CLDN23: variants seen among roughly 807,000 people sequenced by gnomAD.
The protein encoded by CLDN23 is claudin 23.
CLDN23 carries 3 observed loss-of-function variants against 1.4 expected under a neutral mutation model. That is an observed-to-expected ratio of 2.10 (90% confidence interval 0.96 to 5.43). CLDN23 has a LOEUF of 5.43. CLDN23 is among the 30% of genes most tolerant of loss of function. The probability of loss-of-function intolerance (pLI) is 0.02; values close to 1 mark genes in which losing one functional copy is unlikely to be tolerated. For missense variants in CLDN23, 597 were observed against 433.5 expected (o/e 1.38, Z -3.35); for synonymous variants, 291 against 209.9 (o/e 1.39, Z -3.34).
chr8:8,702,445 G>C lies in CLDN23; in HGVS notation c.47G>C (p.Cys16Ser). The C allele has an allele frequency of 1.3e-6, 2 of 1,587,084 alleles. No homozygotes were observed. Among genetic ancestry groups the C allele is most frequent in the Non-Finnish European group, 1.7e-6 (2 of 1,168,252 alleles). Residue 16 changes from cysteine to serine, a missense_variant, in exon 1 of 1, where the codon TGC becomes TCC. Transcript: ENST00000519106. The part of the protein sequence containing the change: ...VMTLGMVLAP[C>S]GLLLNLTGTL... ...ACGCTGGGCATGGTGTTGGCGCCCT[G>C]CGGGCTCCTGCTCAACCTGACCGGC...
At position 8,702,390 on chromosome 8, in the gene CLDN23, C is replaced by G; in HGVS notation, c.-9C>G. 1.4e-6 allele frequency: 2 copies of G among 1,473,956 alleles called. No homozygotes were observed. The highest frequency in any genetic ancestry group is 1.8e-6 in the Non-Finnish European group (2 of 1,116,338). 91.3% of individuals were successfully genotyped at this position (1,473,956 alleles called of 1,614,324 possible). ...GGCTGCAGGGGCGCCGTCGGCGCGG[C>G]GGGCCGGGATGCGGACGCCGGTGGT... On this transcript the variant is annotated 5_prime_UTR_variant, in exon 1 of 1. Coordinates refer to ENST00000519106, the MANE Select transcript of CLDN23 (RefSeq NM_194284.3).
rs994403990 is a variant in CLDN23, at chr8:8,703,184, C to T, written c.786C>T (p.Asp262=). The T allele has an allele frequency of 8.0e-6, 12 of 1,502,076 alleles. No homozygotes were observed. In the Admixed American group the frequency reaches 1.5e-4, roughly 19 times the overall value. 93.0% of individuals were successfully genotyped at this position (1,502,076 alleles called of 1,614,324 possible). Residue 262 remains aspartate (D), a synonymous_variant, in exon 1 of 1, where the codon GAC becomes GAT. Transcript: ENST00000519106. ...PRPKAYTNSV[D]VLDGEGWESQ... ...CCAAGGCCTACACCAACTCGGTGGACGTCCTCGACGGGGAGGGGTGGGAGT... is the reference window on the plus strand; with the variant it reads ...CCAAGGCCTACACCAACTCGGTGGATGTCCTCGACGGGGAGGGGTGGGAGT...
rs1802743761 is a variant in CLDN23 at position 8,702,278 on chromosome 8, C to T, written c.-121C>T. 1 of 1,096,436 alleles carries T rather than the reference C, an allele frequency of 9.1e-7. No individual in the cohort carries two copies. Among genetic ancestry groups the T allele is most frequent in the East Asian group, 2.8e-5 (1 of 35,762 alleles). The allele number at this position is 1,096,436 out of a possible 1,614,324, so 67.9% of individuals were successfully genotyped here. On this transcript the variant is annotated 5_prime_UTR_variant, in exon 1 of 1. Transcript: ENST00000519106. ...CAGGAGCCCGACCCGGAGCCCGGGG[C>T]GTCCGCGCTGACTTCGGGTCCCCGG...
In CLDN23 at chr8:8,703,034, G is replaced by T. The variant is rs770597744; in HGVS notation, c.636G>T (p.Trp212Cys). 1.8e-5 allele frequency: 28 copies of T among 1,535,806 alleles called. No individual in the cohort carries two copies. The East Asian group carries it at 6.2e-4, about 34-fold the overall frequency. Residue 212 changes from tryptophan (W) to cysteine (C), a missense_variant, in exon 1 of 1, where the codon TGG becomes TGT. Physicochemically the swap from Trp to Cys is radical, Grantham distance 215. Coordinates refer to ENST00000519106, the MANE Select transcript of CLDN23 (RefSeq NM_194284.3). ...RSSVSTIQVEWPEPDLAPAIK... is the reference protein window; with the variant it reads ...RSSVSTIQVECPEPDLAPAIK... Reference sequence around the variant, plus strand: ...GCGTCAGCACCATCCAAGTGGAGTGGCCCGAGCCCGACCTGGCGCCCGCCA... The same window carrying T: ...GCGTCAGCACCATCCAAGTGGAGTGTCCCGAGCCCGACCTGGCGCCCGCCA...
In CLDN23 at chr8:8,702,482, C is replaced by A; in HGVS notation, c.84C>A (p.Pro28=). ...TCAACCTGACCGGCACCCTGGCGCC[C>A]GGCTGGCGGCTGGTGAAGGGCTTCC... ...LLLNLTGTLA[P]GWRLVKGFLN... Residue 28 remains proline (P), a synonymous_variant, in exon 1 of 1, where the codon CCC becomes CCA. Transcript: ENST00000519106. 1 of 1,606,958 alleles carries A rather than the reference C, an allele frequency of 6.2e-7. No individual in the cohort carries two copies. The highest frequency in any genetic ancestry group is 8.5e-7 in the Non-Finnish European group (1 of 1,177,934).
rs1428176991 is a variant in CLDN23 at position 8,702,330 on chromosome 8, G to T, written c.-69G>T. The T allele has an allele frequency of 2.1e-6, 3 of 1,446,492 alleles. No individual in the cohort carries two copies. Among genetic ancestry groups the T allele is most frequent in the Non-Finnish European group, 2.7e-6 (3 of 1,103,624 alleles). The allele number at this position is 1,446,492 out of a possible 1,614,324, so 89.6% of individuals were successfully genotyped here. ...GCCTGGGGCACGGCAGGGAGAAGAC[G>T]ACGGCGGAGAAGGCGACAGCGGAGA... On this transcript the variant is annotated 5_prime_UTR_variant, in exon 1 of 1. Transcript: ENST00000519106.
At position 8,702,952 on chromosome 8, in the gene CLDN23, G is replaced by A; in HGVS notation, c.554G>A (p.Cys185Tyr). ...FSLALSFAPW[C>Y]DERCRRRRKG... ...CTGGCGCTCAGCTTCGCGCCCTGGTGCGACGAGCGTTGTCGCCGCCGCCGC... is the reference window on the plus strand; with the variant it reads ...CTGGCGCTCAGCTTCGCGCCCTGGTACGACGAGCGTTGTCGCCGCCGCCGC... Residue 185 changes from cysteine (C) to tyrosine (Y), a missense_variant, in exon 1 of 1, where the codon TGC becomes TAC. Transcript: ENST00000519106. 1 of 1,568,736 alleles carries A rather than the reference G, an allele frequency of 6.4e-7. No homozygotes were observed. Among genetic ancestry groups the A allele is most frequent in the Non-Finnish European group, 8.6e-7 (1 of 1,162,642 alleles).
At position 8,702,701 on chromosome 8, in the gene CLDN23, C is replaced by T. The variant is rs761874739; in HGVS notation, c.303C>T (p.Gly101=). The T allele has an allele frequency of 1.6e-5, 25 of 1,607,112 alleles. No individual in the cohort carries two copies. Among genetic ancestry groups the T allele is most frequent in the Non-Finnish European group, 2.0e-5 (24 of 1,179,242 alleles). ...TVLGLLLASL[G]VRCWQDEPNF... is the part of the protein sequence containing the mutation. ...TGGGGCTTCTGCTGGCGTCGCTGGGCGTGCGCTGCTGGCAGGACGAGCCCA... is the reference window on the plus strand; with the variant it reads ...TGGGGCTTCTGCTGGCGTCGCTGGGTGTGCGCTGCTGGCAGGACGAGCCCA... The change falls in exon 1 of 1, where the codon GGC becomes GGT. Residue 101 remains glycine, a synonymous_variant. Coordinates refer to ENST00000519106, the MANE Select transcript of CLDN23 (RefSeq NM_194284.3).
rs1802743859 is a variant in CLDN23 at position 8,702,279 on chromosome 8, G to A, written c.-120G>A. 3 of 1,146,824 alleles carry A rather than the reference G, an allele frequency of 2.6e-6. No homozygotes were observed. Among genetic ancestry groups the A allele is most frequent in the Non-Finnish European group, 3.5e-6 (3 of 849,422 alleles). 71.0% of individuals were successfully genotyped at this position (1,146,824 alleles called of 1,614,324 possible). A position where few individuals can be genotyped will look rare whatever the true frequency, so the allele number is the denominator to read the frequency against. On this transcript the variant is annotated 5_prime_UTR_variant, in exon 1 of 1. Transcript: ENST00000519106. ...AGGAGCCCGACCCGGAGCCCGGGGCGTCCGCGCTGACTTCGGGTCCCCGGA... is the reference window on the plus strand; with the variant it reads ...AGGAGCCCGACCCGGAGCCCGGGGCATCCGCGCTGACTTCGGGTCCCCGGA...
At position 8,702,220 on chromosome 8, in the gene CLDN23, G is replaced by A; in HGVS notation, c.-179G>A. On this transcript the variant is annotated 5_prime_UTR_variant, in exon 1 of 1. Transcript: ENST00000519106. Reference sequence around the variant, plus strand: ...CTAAGTGGGGACGGTCCCCGTGCAGGAGACAAAGAGCGTCCCTGGAGCGAT... The same window carrying A: ...CTAAGTGGGGACGGTCCCCGTGCAGAAGACAAAGAGCGTCCCTGGAGCGAT... The A allele has an allele frequency of 5.6e-6, 3 of 539,554 alleles. No homozygotes were observed. Among genetic ancestry groups the A allele is most frequent in the Non-Finnish European group, 9.1e-6 (3 of 329,752 alleles). The allele number at this position is 539,554 out of a possible 1,614,324, so 33.4% of individuals were successfully genotyped here.
In CLDN23 at chr8:8,702,973, G is replaced by A. The variant is rs373434191; in HGVS notation, c.575G>A (p.Arg192His). Residue 192 changes from arginine (R) to histidine (H), a missense_variant, in exon 1 of 1, where the codon CGC becomes CAC. Coordinates refer to ENST00000519106, the MANE Select transcript of CLDN23 (RefSeq NM_194284.3). ...APWCDERCRR[R>H]RKGPSAGPRR... ...TGGTGCGACGAGCGTTGTCGCCGCC[G>A]CCGCAAGGGACCCTCCGCCGGGCCT... 39 of 1,563,314 alleles carry A rather than the reference G, an allele frequency of 2.5e-5. No homozygotes were observed. In the African/African-American group the frequency reaches 3.7e-4, roughly 15 times the overall value.
chr8:8,702,358 GA>G lies in CLDN23; in HGVS notation c.-39del. 6.1e-6 allele frequency: 9 copies of G among 1,476,964 alleles called. No individual in the cohort carries two copies. The highest frequency in any genetic ancestry group is 8.0e-6 in the Non-Finnish European group (9 of 1,120,072). The allele number at this position is 1,476,964 out of a possible 1,614,324, so 91.5% of individuals were successfully genotyped here. The stretch of plus-strand genomic sequence containing the variant: ...GGCGGAGAAGGCGACAGCGGAGAAG[GA>G]AGGCAGGCTGCAGGGGCGCCGTCGG... On this transcript the variant is annotated 5_prime_UTR_variant, in exon 1 of 1. Transcript: ENST00000519106.
chr8:8,702,226 A>AAG lies in CLDN23; in HGVS notation c.-170_-169dup, dbSNP rs1489113231. 5.2e-6 allele frequency: 3 copies of AAG among 572,544 alleles called. No homozygotes were observed. The highest frequency in any genetic ancestry group is 8.4e-6 in the Non-Finnish European group (3 of 356,380). The allele number at this position is 572,544 out of a possible 1,614,324, so 35.5% of individuals were successfully genotyped here. A position where few individuals can be genotyped will look rare whatever the true frequency, so the allele number is the denominator to read the frequency against. On this transcript the variant is annotated 5_prime_UTR_variant, in exon 1 of 1. Coordinates refer to ENST00000519106, the MANE Select transcript of CLDN23 (RefSeq NM_194284.3). ...GGGGACGGTCCCCGTGCAGGAGACA[A>AAG]AGAGCGTCCCTGGAGCGATCAGGGC...
In CLDN23 at chr8:8,702,472, C is replaced by A. The variant is rs1235888006; in HGVS notation, c.74C>A (p.Thr25Asn). 6.2e-7 allele frequency: 1 copy of A among 1,607,722 alleles called. No individual in the cohort carries two copies. The highest frequency in any genetic ancestry group is 1.7e-5 in the Admixed American group (1 of 59,704). Residue 25 changes from threonine to asparagine, a missense_variant, in exon 1 of 1, where the codon ACC becomes AAC. Thr to Asn is a moderately conservative substitution (Grantham distance 65, BLOSUM62 0). Transcript: ENST00000519106. ...GGGCTCCTGCTCAACCTGACCGGCA[C>A]CCTGGCGCCCGGCTGGCGGCTGGTG... is the stretch of plus-strand genomic sequence containing the variant. ...PCGLLLNLTG[T>N]LAPGWRLVKG... is the part of the protein sequence containing the mutation.
In CLDN23 at chr8:8,703,080, C is replaced by A. The variant is rs867078290; in HGVS notation, c.682C>A (p.Gln228Lys). The A allele has an allele frequency of 6.5e-7, 1 of 1,534,342 alleles. No individual in the cohort carries two copies. The highest frequency in any genetic ancestry group is 8.7e-7 in the Non-Finnish European group (1 of 1,148,792). ...APAIKYYSDG[Q>K]HRPPPAQHRK... ...CGCCATCAAGTACTACAGCGACGGC[C>A]AGCACCGACCGCCGCCTGCCCAGCA... is the stretch of plus-strand genomic sequence containing the variant. Residue 228 changes from glutamine to lysine, a missense_variant, in exon 1 of 1, where the codon CAG becomes AAG. Coordinates refer to ENST00000519106, the MANE Select transcript of CLDN23 (RefSeq NM_194284.3).
In CLDN23 at chr8:8,702,926, G is replaced by T. The variant is rs774469276; in HGVS notation, c.528G>T (p.Ser176=). The change falls in exon 1 of 1, where the codon TCG becomes TCT. Residue 176 remains serine, a synonymous_variant. Transcript: ENST00000519106. ...GCCTCCTGCTGCTGGGCGGCTTCTC[G>T]CTGGCGCTCAGCTTCGCGCCCTGGT... ...GSCLLLLGGF[S]LALSFAPWCD... 1.3e-6 allele frequency: 2 copies of T among 1,568,844 alleles called. No homozygotes were observed. Among genetic ancestry groups the T allele is most frequent in the South Asian group, 1.1e-5 (1 of 87,482 alleles).
Position 8,702,540 on chromosome 8 carries a change from G to A in CLDN23, c.142G>A (p.Gly48Ser), listed in dbSNP as rs773845230. The change falls in exon 1 of 1, where the codon GGC (glycine) becomes AGC (serine). Residue 48 changes from glycine to serine, a missense_variant. By Grantham distance (56) the Gly-to-Ser change is moderately conservative. Transcript: ENST00000519106. ...GCCAGTGGACGTGGAGTTGTACCAGGGCCTGTGGGACATGTGTCGCGAGCA... is the reference window on the plus strand; with the variant it reads ...GCCAGTGGACGTGGAGTTGTACCAGAGCCTGTGGGACATGTGTCGCGAGCA... Reference protein sequence around the residue: ...NQPVDVELYQGLWDMCREQSS... With the variant: ...NQPVDVELYQSLWDMCREQSS... The A allele has an allele frequency of 1.9e-6, 3 of 1,611,836 alleles. No homozygotes were observed. In the Admixed American group the frequency reaches 5.0e-5, roughly 27 times the overall value.
chr8:8,702,267 G>A lies in CLDN23; in HGVS notation c.-132G>A. The A allele has an allele frequency of 2.0e-6, 2 of 1,011,074 alleles. No individual in the cohort carries two copies. The highest frequency in any genetic ancestry group is 2.8e-6 in the Non-Finnish European group (2 of 724,654). 62.6% of individuals were successfully genotyped at this position (1,011,074 alleles called of 1,614,324 possible). A position where few individuals can be genotyped will look rare whatever the true frequency, so the allele number is the denominator to read the frequency against. The stretch of plus-strand genomic sequence containing the variant: ...CGATCAGGGCTCAGGAGCCCGACCC[G>A]GAGCCCGGGGCGTCCGCGCTGACTT... On this transcript the variant is annotated 5_prime_UTR_variant, in exon 1 of 1. Coordinates refer to ENST00000519106, the MANE Select transcript of CLDN23 (RefSeq NM_194284.3).
rs200726525 is a variant in CLDN23, at chr8:8,703,178, G to A, written c.780G>A (p.Ser260=). The change falls in exon 1 of 1, where the codon TCG becomes TCA. Residue 260 remains serine, a synonymous_variant. Coordinates refer to ENST00000519106, the MANE Select transcript of CLDN23 (RefSeq NM_194284.3). ...CGCGGCCCAAGGCCTACACCAACTC[G>A]GTGGACGTCCTCGACGGGGAGGGGT... ...PRPRPKAYTN[S]VDVLDGEGWE... 735 of 1,512,954 alleles carry A rather than the reference G, an allele frequency of 4.9e-4. 1 individual carries two copies. Among genetic ancestry groups the A allele is most frequent in the Non-Finnish European group, 5.0e-4 (568 of 1,135,602 alleles). 93.7% of individuals were successfully genotyped at this position (1,512,954 alleles called of 1,614,324 possible).
Sources: gnomAD v4.1 joint callset for allele counts on GRCh38, gnomAD v4.1.1 for gene constraint, MANE v1.5 for transcripts, NCBI Gene and HGNC (gene_info 2026-07-23, HGNC 2026-07-21) for gene names.